Variants in VSIR observed in about 807,000 individuals in gnomAD.
VSIR encodes the protein V-set immunoregulatory receptor, also known as V-type immunoglobulin domain-containing suppressor of T-cell activation.
In VSIR, 10 loss-of-function variants were observed where a neutral mutation model predicts 31.0. That is an observed-to-expected ratio of 0.32 (90% CI 0.20 to 0.55). VSIR has a LOEUF of 0.55. Ranked by LOEUF, VSIR falls within the 20% of genes least tolerant of loss-of-function variation. VSIR has a pLI of 0.93. For missense variants in VSIR, 356 were observed against 416.2 expected, an observed-to-expected ratio of 0.86 and a Z score of 1.26; for synonymous variants, 179 against 180.1, an observed-to-expected ratio of 0.99 and a Z score of 0.05.
At chr10:71,753,146 C>G in intron 4 of VSIR, 144 bp from the exon 5 acceptor site, 1 of 895,716 alleles carries the variant, frequency 1.1e-6, no homozygotes, top group Non-Finnish European at 1.6e-6. Flanking sequence ...TTTCTTTTCA[C>G]ATGGGTGCTG....
chr10:71,769,435 A>C (rs989846499), intron 1 of VSIR, among the ~76,000 whole-genome samples: 1 of 152,254 alleles, frequency 6.6e-6, no homozygotes, highest in African/African-American at 2.4e-5. Context: ...AGCGATAAAA[A>C]GTTTCCTTTT....
rs577257311 is a variant in VSIR, at chr10:71,756,780, C to T, written c.569-1314G>A. On this transcript the variant is annotated intron_variant, in intron 3 of 6. Transcript: ENST00000394957. ...GGATACCTTGTCACAGTGTCAACTTCGCCCCAAAGAGCTCTGAGAGGTAAA... is the reference window on the plus strand; with the variant it reads ...GGATACCTTGTCACAGTGTCAACTTTGCCCCAAAGAGCTCTGAGAGGTAAA... Among the ~76,000 whole-genome samples the T allele has an allele frequency of 1.3e-3, 196 of 152,310 alleles. 1 individual carries two copies. The highest frequency in any genetic ancestry group is 2.4e-3 in the Non-Finnish European group (160 of 68,038).
intron 1 of VSIR, among the ~76,000 whole-genome samples, chr10:71,765,196 G>A (rs1251157158): frequency 6.6e-6 from 1 of 152,220 alleles, no homozygotes; most frequent in African/African-American, 2.4e-5. Flanking sequence ...CCCAGCTTCT[G>A]CCCCTTTCTC....
At chr10:71,759,982 T>C (rs1272357028) in intron 3 of VSIR, among the ~76,000 whole-genome samples, 1 of 64,496 alleles carries the variant, frequency 1.6e-5, no homozygotes, top group African/African-American at 4.6e-5. Context: ...CACACACACA[T>C]ATATATACAC....
Position 71,759,900 on chromosome 10 carries a change from T to TATATATACACACACAC in VSIR, c.568+967_568+968insGTGTGTGTGTATATAT, listed in dbSNP as rs1564779297. Among the ~76,000 whole-genome samples, 119 of 44,964 alleles carry TATATATACACACACAC rather than the reference T, an allele frequency of 2.6e-3. 2 individuals are homozygous for TATATATACACACACAC. Among genetic ancestry groups the TATATATACACACACAC allele is most frequent in the East Asian group, 0.014 (19 of 1,378 alleles). 29.5% of individuals were successfully genotyped at this position (44,964 alleles called of 152,430 possible). On this transcript the variant is annotated intron_variant, in intron 3 of 6. Transcript: ENST00000394957. ...ACACACACACATATACACACACACA[T>TATATATACACACACAC]ATATACACACACACATATATACACA...
chr10:71,768,033 C>T (rs560606579), intron 1 of VSIR, among the ~76,000 whole-genome samples: 6 of 152,304 alleles, frequency 3.9e-5, no homozygotes, highest in East Asian at 3.9e-4. Context: ...CTCAGGCTCC[C>T]GGCTCCAGCC....
In VSIR at chr10:71,760,234, TATAC is replaced by T. The variant is rs371171836; in HGVS notation, c.568+630_568+633del. Among the ~76,000 whole-genome samples, 234 of 38,888 alleles carry T rather than the reference TATAC, an allele frequency of 6.0e-3. 74 individuals carry two copies. Among genetic ancestry groups the T allele is most frequent in the African/African-American group, 0.019 (216 of 11,464 alleles). 25.5% of individuals were successfully genotyped at this position (38,888 alleles called of 152,430 possible). ...GTGTATATATGTGTATATATATGTA[TATAC>T]ATATATATGTATGTATATATATGTA... On this transcript the variant is annotated intron_variant, in intron 3 of 6. Coordinates refer to ENST00000394957, the MANE Select transcript of VSIR (RefSeq NM_022153.2).
At position 71,761,943 on chromosome 10, in the gene VSIR, G is replaced by A. The variant is rs1296226004; in HGVS notation, c.166C>T (p.Leu56Phe). The change falls in exon 2 of 7, where the codon CTC (leucine) becomes TTC (phenylalanine). Residue 56 changes from leucine to phenylalanine, a missense_variant. Around this residue, in one of 2 missense-constraint regions of VSIR, gnomAD observed 166 missense variants for 231.0 expected, o/e 0.72. Transcript: ENST00000394957. ...EGQNVTLTCR[L>F]LGPVDKGHDV... ...TGCCCTTTGTCCACAGGGCCCAAGAGCCTGCAGGTGAGGGTGACGTTCTGC... is the reference window on the plus strand; with the variant it reads ...TGCCCTTTGTCCACAGGGCCCAAGAACCTGCAGGTGAGGGTGACGTTCTGC... 13 of 1,613,874 alleles carry A rather than the reference G, an allele frequency of 8.1e-6. No homozygotes were observed. Among genetic ancestry groups the A allele is most frequent in the African/African-American group, 2.7e-5 (2 of 74,934 alleles).
At chr10:71,766,321 G>A (rs12360100) in intron 1 of VSIR, among the ~76,000 whole-genome samples, 7,330 of 152,244 alleles carry the variant, frequency 0.048, 200 homozygotes, top group Middle Eastern at 0.12. Flanking sequence ...GGCGGGAACC[G>A]TCCAGTTGCC....
At chr10:71,759,738 G>A (rs1251796969) in intron 3 of VSIR, among the ~76,000 whole-genome samples, 3 of 151,252 alleles carry the variant, frequency 2.0e-5, no homozygotes, top group Non-Finnish European at 2.9e-5. Context: ...CTTGAATCCG[G>A]GAGGCGGAGG....
chr10:71,773,279 G>A (rs1840728663), intron 1 of VSIR, 79 bp downstream of exon 1: 9 of 1,462,324 alleles, frequency 6.2e-6, no homozygotes, highest in African/African-American at 1.4e-5. Context: ...CCCCCAGGAC[G>A]CCCCCATCCC....
At chr10:71,761,576 G>A in intron 2 of VSIR, 22 bp downstream of exon 2, 1 of 1,548,598 alleles carries the variant, frequency 6.5e-7, no homozygotes, top group East Asian at 2.3e-5. Context: ...ACGCCAGGCT[G>A]TCACGTGCAG....
chr10:71,765,342 C>T (rs921988010), intron 1 of VSIR, among the ~76,000 whole-genome samples: 4 of 152,374 alleles, frequency 2.6e-5, no homozygotes, highest in Admixed American at 2.6e-4. Flanking sequence ...GCTCAGCAGA[C>T]ACGGGGCTGC....
At chr10:71,753,781 G>A (rs1204293642) in intron 4 of VSIR, 2 of 456,324 alleles carry the variant, frequency 4.4e-6, no homozygotes, top group African/African-American at 4.0e-5. Flanking sequence ...AGATGGTGGG[G>A]GAGGGGCACA....
intron 1 of VSIR, among the ~76,000 whole-genome samples, chr10:71,769,994 T>C (rs889927831): frequency 1.3e-5 from 2 of 152,208 alleles, no homozygotes; most frequent in East Asian, 3.9e-4. Flanking sequence ...GGCACCTCCA[T>C]GGGCATTTCA....
chr10:71,764,730 G>A (rs566285201), intron 1 of VSIR, among the ~76,000 whole-genome samples: 2 of 152,282 alleles, frequency 1.3e-5, no homozygotes, highest in East Asian at 3.9e-4. Flanking sequence ...TTGGTCCTGT[G>A]GACATTTGAG....
intron 1 of VSIR, among the ~76,000 whole-genome samples, chr10:71,770,913 C>G (rs1327784764): frequency 1.3e-5 from 2 of 152,158 alleles, no homozygotes; most frequent in Non-Finnish European, 2.9e-5. Context: ...CAGGGACTGG[C>G]CTCAAGGCTG....
At chr10:71,755,150 G>T in intron 4 of VSIR, 1 of 660,112 alleles carries the variant, frequency 1.5e-6, no homozygotes, top group Non-Finnish European at 2.8e-6. Context: ...AGCCAAAGGG[G>T]CTGGTGGGCA....
chr10:71,755,523 C>T (rs1840118552), intron 3 of VSIR, 57 bp from the exon 4 acceptor site: 1 of 1,500,934 alleles, frequency 6.7e-7, no homozygotes. Flanking sequence ...TCCTCCTGAG[C>T]ATAAACTGAG....
Sources: gnomAD v4.1 joint callset for allele counts (sites outside exome capture counted in the v4.1 genomes callset) on GRCh38, gnomAD v4.1.1 for gene constraint, gnomAD v4.1.1 regional missense constraint, MANE v1.5 for transcripts, NCBI Gene and HGNC (gene_info 2026-07-23, HGNC 2026-07-21) for gene names.